Variants in TMEM114 observed in about 807,000 individuals in gnomAD.
TMEM114 encodes the protein claudin-26.
Under a neutral mutation model 6.2 loss-of-function variants are expected in TMEM114, and 6 were observed. That is an observed-to-expected ratio of 0.97 (90% CI 0.53 to 1.91). The LOEUF is 1.91. TMEM114 is among the 40% of genes most tolerant of loss of function. The pLI, the probability that TMEM114 is intolerant of heterozygous loss-of-function variation, is 0.01. For synonymous variants in TMEM114, 104 were observed against 73.0 expected, an observed-to-expected ratio of 1.42 and a Z score of -2.16; for missense variants, 218 against 158.3, an observed-to-expected ratio of 1.38 and a Z score of -2.02.
intron 2 of TMEM114, among the ~76,000 whole-genome samples, chr16:8,555,946 A>C (rs13333238): frequency 0.43 from 65,199 of 151,808 alleles, 14,267 homozygotes; most frequent in East Asian, 0.52. Context: ...GGACGTGTCC[A>C]TCTTGGATGT....
chr16:8,545,310 C>G (rs1042411045), intron 2 of TMEM114, among the ~76,000 whole-genome samples: 1 of 152,132 alleles, frequency 6.6e-6, no homozygotes, highest in Admixed American at 6.5e-5. Flanking sequence ...GTGGCACATG[C>G]CTGCAGTCCC....
chr16:8,569,961 C>T lies in TMEM114; in HGVS notation c.484G>A (p.Ala162Thr), dbSNP rs891382898. 135 of 1,550,884 alleles carry T rather than the reference C, an allele frequency of 8.7e-5. No individual in the cohort carries two copies. The highest frequency in any genetic ancestry group is 5.9e-4 in the Admixed American group (30 of 50,986). Reference sequence around the variant, plus strand: ...CACAGCGCCTCCCGGAAGGCGGCGGCTGAATACGCTATGTAGACGCTGATC... The same window carrying T: ...CACAGCGCCTCCCGGAAGGCGGCGGTTGAATACGCTATGTAGACGCTGATC... ...AGISVYIAYS[A>T]AAFREALCLL... is the part of the protein sequence containing the mutation. The change falls in exon 4 of 4, where the codon GCC becomes ACC. Residue 162 changes from alanine to threonine, a missense_variant. Ala to Thr is a moderately conservative substitution (Grantham distance 58, BLOSUM62 0). Transcript: ENST00000620492.
intron 2 of TMEM114, among the ~76,000 whole-genome samples, chr16:8,543,554 G>A (rs569297281): frequency 3.3e-5 from 5 of 151,944 alleles, no homozygotes; most frequent in African/African-American, 4.8e-5. Flanking sequence ...CCCTCCCACC[G>A]AAACATCATC....
At chr16:8,578,365 G>A (rs1005677183) in intron 2 of TMEM114, among the ~76,000 whole-genome samples, 2 of 152,122 alleles carry the variant, frequency 1.3e-5, no homozygotes, top group African/African-American at 4.8e-5. Context: ...TTGGCAATCT[G>A]TGATGCTCCC....
chr16:8,565,143 AATG>A (rs1291245186), downstream of TMEM114, among the ~76,000 whole-genome samples: 1 of 151,894 alleles, frequency 6.6e-6, no homozygotes, highest in East Asian at 1.9e-4. Flanking sequence ...ATGGATGGAT[AATG>A]ATGGATGGGT....
chr16:8,569,665 G>A lies in TMEM114; in HGVS notation c.*108C>T, dbSNP rs1391179579. The A allele has an allele frequency of 5.1e-5, 74 of 1,443,476 alleles. No homozygotes were observed. The highest frequency in any genetic ancestry group is 6.1e-5 in the Non-Finnish European group (67 of 1,101,994). The allele number at this position is 1,443,476 out of a possible 1,614,324, so 89.4% of individuals were successfully genotyped here. On this transcript the variant is annotated 3_prime_UTR_variant, in exon 4 of 4. Transcript: ENST00000620492. ...TGTGGGGGAAGGAGGGGGGTGCCTG[G>A]CCTCCCCGAGTGGCCTTTGAGGAAG...
intron 3 of TMEM114, among the ~76,000 whole-genome samples, chr16:8,570,734 G>A (rs1246326925): frequency 6.6e-6 from 1 of 152,098 alleles, no homozygotes; most frequent in Non-Finnish European, 1.5e-5. Context: ...ACGGTGCCTG[G>A]CCCACGGTGG....
chr16:8,534,854 C>T (rs1339381282), downstream of TMEM114, among the ~76,000 whole-genome samples: 1 of 152,184 alleles, frequency 6.6e-6, no homozygotes, highest in Admixed American at 6.5e-5. Flanking sequence ...TTTCATGAAG[C>T]GGAATTATTA....
chr16:8,546,583 C>T (rs1158154959), intron 2 of TMEM114, among the ~76,000 whole-genome samples: 1 of 152,184 alleles, frequency 6.6e-6, no homozygotes, highest in African/African-American at 2.4e-5. Flanking sequence ...AGCAACAACC[C>T]CAGTAACAAT....
rs567102329 is a variant in TMEM114, at chr16:8,560,229, C to T, written n.213-22403G>A. 2.6e-4 allele frequency among the ~76,000 whole-genome samples: 40 copies of T among 151,914 alleles called. No homozygotes were observed. In the South Asian group the frequency reaches 6.9e-3, roughly 26 times the overall value. ...CTTAGGCTGGGCTCAAACTCCTGGG[C>T]TCAAGCGATCCTCCTGTCTTGGCCT... On this transcript the variant is annotated intron_variant and non_coding_transcript_variant, in intron 2 of 2. Transcript: ENST00000623677.
chr16:8,537,518 C>A (rs545425397), downstream of TMEM114: 15 of 151,936 alleles, frequency 9.9e-5, no homozygotes, highest in South Asian at 1.0e-3. Flanking sequence ...AACAAACAAA[C>A]AAAAAAACAA....
At chr16:8,533,272 T>A (rs1050689059), downstream of TMEM114, among the ~76,000 whole-genome samples, 1 of 152,212 alleles carries the variant, frequency 6.6e-6, no homozygotes, top group Non-Finnish European at 1.5e-5. Context: ...AGACATTTGA[T>A]AGAACATCTG....
At chr16:8,531,759 G>T in the TMEM114 span, among the ~76,000 whole-genome samples, 1 of 152,186 alleles carries the variant, frequency 6.6e-6, no homozygotes, top group Non-Finnish European at 1.5e-5. Context: ...TCAATGAAAT[G>T]ATCAATGTAA....
intron 2 of TMEM114, among the ~76,000 whole-genome samples, chr16:8,573,160 G>C (rs571456802): frequency 6.6e-6 from 1 of 152,168 alleles, no homozygotes; most frequent in Non-Finnish European, 1.5e-5. Flanking sequence ...GGGACTGTGT[G>C]GATGAAGGGC....
chr16:8,559,021 G>A (rs888630783), intron 2 of TMEM114, among the ~76,000 whole-genome samples: 1 of 150,548 alleles, frequency 6.6e-6, no homozygotes, highest in Non-Finnish European at 1.5e-5. Context: ...GGGATTAAAG[G>A]CGTGAGCCAC....
intron 2 of TMEM114, among the ~76,000 whole-genome samples, chr16:8,576,496 G>C (rs180767761): frequency 2.0e-5 from 3 of 152,328 alleles, no homozygotes; most frequent in Non-Finnish European, 4.4e-5. Flanking sequence ...GCAGGGGCCA[G>C]GGGCTCTCCC....
At chr16:8,552,552 C>G (rs1051687477) in intron 2 of TMEM114, among the ~76,000 whole-genome samples, 1 of 151,928 alleles carries the variant, frequency 6.6e-6, no homozygotes, top group Non-Finnish European at 1.5e-5. Context: ...TGTAGTTTAA[C>G]TAACAGTATT....
chr16:8,543,446 G>C (rs9938138), intron 2 of TMEM114, among the ~76,000 whole-genome samples: 1 of 103,226 alleles, frequency 9.7e-6, no homozygotes, highest in African/African-American at 3.3e-5. Flanking sequence ...AGTCACTTGC[G>C]TCATGCAATG....
At chr16:8,538,517 T>G (rs1374290704) in intron 2 of TMEM114, among the ~76,000 whole-genome samples, 2 of 104,598 alleles carry the variant, frequency 1.9e-5, no homozygotes, top group East Asian at 3.0e-4. Flanking sequence ...TTGTTTTTTG[T>G]TTTTTTTTGA....
Sources: allele counts gnomAD v4.1 joint callset (sites outside exome capture counted in the v4.1 genomes callset), GRCh38; gene constraint gnomAD v4.1.1; transcripts MANE v1.5; gene names NCBI Gene and HGNC (gene_info 2026-07-23, HGNC 2026-07-21).